The following KIDINS220 variants were observed in gnomAD, a reference collection of about 807,000 sequenced individuals.
The protein encoded by KIDINS220 is kinase D-interacting substrate of 220 kDa.
KIDINS220 carries 63 observed loss-of-function variants against 157.6 expected under a neutral mutation model. The observed-to-expected ratio is 0.40, with a 90% confidence interval of 0.33 to 0.49. KIDINS220 has a LOEUF of 0.49. Ranked by LOEUF, KIDINS220 falls within the 20% of genes least tolerant of loss-of-function variation. The pLI is 0.66. For missense variants in KIDINS220, 1,772 were observed against 2,171.2 expected (o/e 0.82, Z 3.65); for synonymous variants, 732 against 783.6 (o/e 0.93, Z 1.10).
At chr2:8,778,757 T>C (rs554067619) in intron 19 of KIDINS220, 30 bp from the exon 20 acceptor site, 5 of 1,599,448 alleles carry the variant, frequency 3.1e-6, no homozygotes, top group East Asian at 2.2e-5. Context: ...CAGCATCACT[T>C]ACACCAAAAT....
intron 2 of KIDINS220, among the ~76,000 whole-genome samples, chr2:8,824,912 T>C (rs1678521460): frequency 6.6e-6 from 1 of 152,068 alleles, no homozygotes; most frequent in Non-Finnish European, 1.5e-5. Flanking sequence ...CTAACTGAAA[T>C]AAGCCAGTGA....
At chr2:8,770,635 A>G (rs779884343) in intron 22 of KIDINS220, 35 bp downstream of exon 22, 79 of 1,384,086 alleles carry the variant, frequency 5.7e-5, no homozygotes, top group Non-Finnish European at 7.3e-5. Flanking sequence ...CTCAACCTAA[A>G]ATAAAGTAAA....
intron 11 of KIDINS220, among the ~76,000 whole-genome samples, chr2:8,795,015 T>C (rs1288878565): frequency 2.0e-5 from 3 of 152,208 alleles, no homozygotes; most frequent in African/African-American, 7.2e-5. Context: ...AAGTAGCTTA[T>C]GTCGTAATAG....
At chr2:8,782,182 G>C (rs1464063827) in intron 17 of KIDINS220, among the ~76,000 whole-genome samples, 1 of 151,654 alleles carries the variant, frequency 6.6e-6, no homozygotes, top group Non-Finnish European at 1.5e-5. Context: ...ACTAGAAAAA[G>C]AGCAAATTAA....
In KIDINS220 at chr2:8,751,505, T is replaced by A. The variant is rs374898741; in HGVS notation, c.3151A>T (p.Thr1051Ser). ...CGTAGTTTGGGATCTAGGTTTACAG[T>A]GCATGGCAAAAAGACTTTTACATCT... Reference protein sequence around the residue: ...ARDVKVFLPCTVNLDPKLREI... With the variant: ...ARDVKVFLPCSVNLDPKLREI... The change falls in exon 23 of 30, where the codon ACT (threonine) becomes TCT (serine). Residue 1051 changes from threonine (T) to serine (S), a missense_variant. By Grantham distance (58) the Thr-to-Ser change is moderately conservative. This residue lies in a region of KIDINS220 where 725 missense variants were observed against 1,017.1 expected (regional missense o/e 0.71). Coordinates refer to ENST00000256707, the MANE Select transcript of KIDINS220 (RefSeq NM_020738.4). 19 of 1,613,326 alleles carry A rather than the reference T, an allele frequency of 1.2e-5. No individual in the cohort carries two copies. The highest frequency in any genetic ancestry group is 1.5e-5 in the Non-Finnish European group (18 of 1,179,854).
rs1191413192 is a variant in KIDINS220 at position 8,827,087 on chromosome 2, C to G, written c.7G>C (p.Val3Leu). 13 of 1,568,960 alleles carry G rather than the reference C, an allele frequency of 8.3e-6. No homozygotes were observed. Among genetic ancestry groups the G allele is most frequent in the Non-Finnish European group, 9.6e-6 (11 of 1,146,330 alleles). The change falls in exon 2 of 30, where the codon GTT becomes CTT. Residue 3 changes from valine to leucine, a missense_variant. Val to Leu is a conservative substitution (Grantham distance 32). Coordinates refer to ENST00000256707, the MANE Select transcript of KIDINS220 (RefSeq NM_020738.4). MS[V>L]LISQSVINYV... ...TTTATGACGCTCTGTGATATCAAAA[C>G]TGACATTTTCACAGAAAGCTGCAAT...
At chr2:8,747,235 AG>A (rs750331212) in intron 25 of KIDINS220, 34 bp from the exon 26 acceptor site, 20 of 1,600,440 alleles carry the variant, frequency 1.2e-5, no homozygotes, top group Non-Finnish European at 1.7e-5. Flanking sequence ...GTGGGTGAAA[AG>A]GGGAAGGGGG....
chr2:8,765,891 T>C (rs1669421887), intron 22 of KIDINS220, among the ~76,000 whole-genome samples: 1 of 152,116 alleles, frequency 6.6e-6, no homozygotes, highest in Admixed American at 6.5e-5. Flanking sequence ...TCATCTTTAC[T>C]GTGGGATAGC....
At chr2:8,742,244 G>A (rs985712388) in intron 26 of KIDINS220, among the ~76,000 whole-genome samples, 5 of 151,234 alleles carry the variant, frequency 3.3e-5, no homozygotes, top group African/African-American at 1.2e-4. Flanking sequence ...TCAGGTGTGC[G>A]CTACCATGCC....
intron 22 of KIDINS220, among the ~76,000 whole-genome samples, chr2:8,754,323 C>A (rs1470644564): frequency 2.0e-5 from 3 of 152,246 alleles, no homozygotes; most frequent in Non-Finnish European, 2.9e-5. Flanking sequence ...ACATTAAACT[C>A]TTCTGCTGAA....
At chr2:8,828,894 T>C (rs1024009027) in intron 1 of KIDINS220, among the ~76,000 whole-genome samples, 5 of 152,236 alleles carry the variant, frequency 3.3e-5, no homozygotes, top group African/African-American at 1.2e-4. Context: ...AAAGGAATCA[T>C]GCCTCTGGAT....
intron 22 of KIDINS220, among the ~76,000 whole-genome samples, chr2:8,765,648 T>C (rs1273633771): frequency 6.6e-6 from 1 of 152,186 alleles, no homozygotes; most frequent in Non-Finnish European, 1.5e-5. Flanking sequence ...GTTATTTACT[T>C]CCTAGCTCAC....
chr2:8,733,605 G>C lies in KIDINS220; in HGVS notation c.3892C>G (p.Pro1298Ala). 1 of 1,613,814 alleles carries C rather than the reference G, an allele frequency of 6.2e-7. No homozygotes were observed. The highest frequency in any genetic ancestry group is 8.5e-7 in the Non-Finnish European group (1 of 1,179,866). Reference protein sequence around the residue: ...PRFLSESSSGPAPHGEPARRA... With the variant: ...PRFLSESSSGAAPHGEPARRA... ...CGAGCAGGCTCACCGTGCGGGGCTG[G>C]GCCACTGCTGCTCTCACTGAGGAAA... Residue 1298 changes from proline (P) to alanine (A), a missense_variant, in exon 29 of 30, where the codon CCA becomes GCA. Physicochemically the swap from Pro to Ala is conservative, Grantham distance 27. This residue lies in a region of KIDINS220 where 793 missense variants were observed against 885.5 expected (regional missense o/e 0.90). Transcript: ENST00000256707.
At chr2:8,807,697 C>A (rs1675665592) in intron 6 of KIDINS220, among the ~76,000 whole-genome samples, 1 of 152,146 alleles carries the variant, frequency 6.6e-6, no homozygotes, top group African/African-American at 2.4e-5. Flanking sequence ...ATGAAGACTC[C>A]ATGACAGACA....
intron 21 of KIDINS220, among the ~76,000 whole-genome samples, chr2:8,771,428 A>T (rs1670216204): frequency 6.6e-6 from 1 of 152,134 alleles, no homozygotes; most frequent in Non-Finnish European, 1.5e-5. Flanking sequence ...GAGGACTCTG[A>T]TTTGCTGTTC....
intron 22 of KIDINS220, among the ~76,000 whole-genome samples, chr2:8,769,223 C>T (rs1379339543): frequency 6.6e-6 from 1 of 152,188 alleles, no homozygotes; most frequent in Non-Finnish European, 1.5e-5. Flanking sequence ...AGGTCAGTAA[C>T]ACTAAGTGAC....
chr2:8,829,560 T>C (rs1679309272), intron 1 of KIDINS220, among the ~76,000 whole-genome samples: 1 of 151,952 alleles, frequency 6.6e-6, no homozygotes, highest in Non-Finnish European at 1.5e-5. Context: ...ATTCACAAAG[T>C]AGGATAATAT....
intron 1 of KIDINS220, among the ~76,000 whole-genome samples, chr2:8,834,367 C>CT (rs945647820): frequency 6.6e-6 from 1 of 151,876 alleles, no homozygotes; most frequent in African/African-American, 2.4e-5. Context: ...CTTGACTCTA[C>CT]TCAGGCCACA....
chr2:8,832,906 T>A (rs940377526), intron 1 of KIDINS220, among the ~76,000 whole-genome samples: 5 of 152,164 alleles, frequency 3.3e-5, no homozygotes, highest in Non-Finnish European at 7.4e-5. Context: ...TTAATTTTTT[T>A]AACTAATACA....
Sources: gnomAD v4.1 joint callset for allele counts (sites outside exome capture counted in the v4.1 genomes callset) on GRCh38, gnomAD v4.1.1 for gene constraint, gnomAD v4.1.1 regional missense constraint, MANE v1.5 for transcripts, NCBI Gene and HGNC (gene_info 2026-07-23, HGNC 2026-07-21) for gene names.